The following ENAH variants were observed in gnomAD, a reference collection of about 807,000 sequenced individuals.
The protein encoded by ENAH is ENAH actin regulator.
In ENAH, 23 loss-of-function variants were observed where a neutral mutation model predicts 78.7. The observed-to-expected ratio is 0.29, with a 90% CI of 0.21 to 0.41. The LOEUF is 0.41. Among genes scored for constraint, ENAH ranks in the 10% least tolerant of loss-of-function variants. The probability of loss-of-function intolerance (pLI) is 1.00; values close to 1 mark genes in which losing one functional copy is unlikely to be tolerated. For missense variants in ENAH, 544 were observed against 691.0 expected (o/e 0.79, Z 2.39); for synonymous variants, 226 against 241.0 (o/e 0.94, Z 0.58).
At chr1:225,500,099 A>C (rs564097034) in intron 12 of ENAH, among the ~76,000 whole-genome samples, 1 of 152,306 alleles carries the variant, frequency 6.6e-6, no homozygotes, top group South Asian at 2.1e-4. Context: ...TTTTTCAAGA[A>C]AGCCATATTC....
intron 1 of ENAH, among the ~76,000 whole-genome samples, chr1:225,596,263 C>T (rs888777700): frequency 2.0e-5 from 3 of 152,168 alleles, no homozygotes; most frequent in African/African-American, 7.2e-5. Context: ...GATATTTTCC[C>T]CCCTTAGTGA....
intron 2 of ENAH, 35 bp downstream of exon 2, chr1:225,567,214 A>C (rs778211192): frequency 1.3e-6 from 2 of 1,598,862 alleles, no homozygotes; most frequent in South Asian, 1.2e-5. Flanking sequence ...TGTAATACTA[A>C]ATCATTTTTA....
intron 10 of ENAH, among the ~76,000 whole-genome samples, chr1:225,509,754 A>G (rs1032044242): frequency 8.6e-5 from 13 of 151,994 alleles, no homozygotes; most frequent in Non-Finnish European, 1.8e-4. Context: ...TCTAACTCAT[A>G]TTTTCAACCT....
At chr1:225,512,530 TA>T in intron 9 of ENAH, 126 bp downstream of exon 9, 2 of 951,940 alleles carry the variant, frequency 2.1e-6, no homozygotes, top group Non-Finnish European at 3.0e-6. Flanking sequence ...CATGCATAGT[TA>T]AAAATTAGCA....
intron 1 of ENAH, among the ~76,000 whole-genome samples, chr1:225,643,098 A>C (rs1661377849): frequency 6.6e-6 from 1 of 152,240 alleles, no homozygotes; most frequent in Middle Eastern, 3.2e-3. Flanking sequence ...GGGAACTTGG[A>C]ATGCAGAGCC....
chr1:225,593,818 A>C (rs1426934547), intron 1 of ENAH, among the ~76,000 whole-genome samples: 8 of 152,224 alleles, frequency 5.3e-5, no homozygotes, highest in Non-Finnish European at 1.2e-4. Context: ...AAAACAAGGT[A>C]GAATAGTAAT....
chr1:225,568,249 G>A (rs936295131), intron 1 of ENAH, among the ~76,000 whole-genome samples: 1 of 152,108 alleles, frequency 6.6e-6, no homozygotes, highest in African/African-American at 2.4e-5. Flanking sequence ...AAATAGAGAC[G>A]CCAGGCACGA....
chr1:225,524,597 A>G (rs1394380028), intron 4 of ENAH: 1 of 985,302 alleles, frequency 1.0e-6, no homozygotes, highest in Admixed American at 6.1e-5. Context: ...GTTGATACTC[A>G]CAAGAGAAGG....
rs150313735 is a variant in ENAH, at chr1:225,494,593, C to G, written c.*3182G>C. The G allele has an allele frequency of 2.6e-5, 4 of 152,296 alleles. No homozygotes were observed. The highest frequency in any genetic ancestry group is 9.6e-5 in the African/African-American group (4 of 41,568). 9.4% of individuals were successfully genotyped at this position (152,296 alleles called of 1,614,324 possible). A position where few individuals can be genotyped will look rare whatever the true frequency, so the allele number is the denominator to read the frequency against. On this transcript the variant is annotated 3_prime_UTR_variant, in exon 14 of 14. Coordinates refer to ENST00000366843, the MANE Select transcript of ENAH (RefSeq NM_018212.6). The stretch of plus-strand genomic sequence containing the variant: ...GAAAATAAGAAGAGGGAACACCCAA[C>G]AGTTATTTCAAACAAAAAGTAGACA...
At chr1:225,628,784 G>A (rs1392407824) in intron 1 of ENAH, among the ~76,000 whole-genome samples, 1 of 151,670 alleles carries the variant, frequency 6.6e-6, no homozygotes, top group East Asian at 1.9e-4. Flanking sequence ...GTGCATGCCT[G>A]TAATCCCAGC....
At chr1:225,597,741 A>G (rs2096909357) in intron 1 of ENAH, among the ~76,000 whole-genome samples, 1 of 152,050 alleles carries the variant, frequency 6.6e-6, no homozygotes, top group Non-Finnish European at 1.5e-5. Flanking sequence ...GGCCAGAAAA[A>G]CAAAAAAGAG....
At chr1:225,629,000 C>T (rs1310134343) in intron 1 of ENAH, among the ~76,000 whole-genome samples, 1 of 151,952 alleles carries the variant, frequency 6.6e-6, no homozygotes. Flanking sequence ...GAAATATGGG[C>T]CAAGCGCAGT....
chr1:225,524,230 A>G (rs530836386), intron 4 of ENAH, among the ~76,000 whole-genome samples: 5 of 152,176 alleles, frequency 3.3e-5, no homozygotes, highest in African/African-American at 1.2e-4. Context: ...TTAAATATAT[A>G]TTCATTATTT....
At chr1:225,603,224 C>A (rs1279513659) in intron 1 of ENAH, among the ~76,000 whole-genome samples, 1 of 151,912 alleles carries the variant, frequency 6.6e-6, no homozygotes, top group Non-Finnish European at 1.5e-5. Context: ...CAGTCATTCT[C>A]CCTAAGTAAA....
At position 225,591,850 on chromosome 1, in the gene ENAH, G is replaced by A. The variant is rs1382453882; in HGVS notation, c.6-24436C>T. On this transcript the variant is annotated intron_variant, in intron 1 of 13. Transcript: ENST00000366843. ...AGTACTAAATTATTCAGGGCAGAGT[G>A]TTGGTCTCTTTAGAAGCACCAGAGC... is the stretch of plus-strand genomic sequence containing the variant. Among the ~76,000 whole-genome samples, 3 of 151,270 alleles carry A rather than the reference G, an allele frequency of 2.0e-5. No individual in the cohort carries two copies. The South Asian group carries it at 6.3e-4, about 32-fold the overall frequency.
intron 5 of ENAH, chr1:225,518,082 C>T: frequency 9.0e-7 from 1 of 1,110,780 alleles, no homozygotes. Flanking sequence ...AGCATTCAGA[C>T]ACAATGTATA....
At chr1:225,625,617 G>T (rs953109363) in intron 1 of ENAH, among the ~76,000 whole-genome samples, 13 of 152,128 alleles carry the variant, frequency 8.5e-5, no homozygotes, top group African/African-American at 2.9e-4. Context: ...CCACCTCCTG[G>T]GTTCAAGCGA....
rs1169575918 is a variant in ENAH, at chr1:225,494,021, GACTT to G, written c.*3750_*3753del. On this transcript the variant is annotated 3_prime_UTR_variant, in exon 14 of 14. Transcript: ENST00000366843. ...CTTTTAATTTGTAGACAAAAATACT[GACTT>G]ACATATGAAGAGAAGCAAGAACATG... 1 of 102,930 alleles carries G rather than the reference GACTT, an allele frequency of 9.7e-6. No individual in the cohort carries two copies. The highest frequency in any genetic ancestry group is 1.8e-5 in the Non-Finnish European group (1 of 54,484). The allele number at this position is 102,930 out of a possible 1,614,324, so 6.4% of individuals were successfully genotyped here. A position where few individuals can be genotyped will look rare whatever the true frequency, so the allele number is the denominator to read the frequency against.
At position 225,554,800 on chromosome 1, in the gene ENAH, T is replaced by C. The variant is rs558823725; in HGVS notation, c.349+106A>G. 27 of 957,484 alleles carry C rather than the reference T, an allele frequency of 2.8e-5. No homozygotes were observed. In the African/African-American group the frequency reaches 4.2e-4, roughly 15 times the overall value. The allele number at this position is 957,484 out of a possible 1,614,324, so 59.3% of individuals were successfully genotyped here. A position where few individuals can be genotyped will look rare whatever the true frequency, so the allele number is the denominator to read the frequency against. On this transcript the variant is annotated intron_variant, in intron 3 of 13. Transcript: ENST00000366843. ...AGATCTAAAAGTTAACAAACATTTG[T>C]TTTAACATACACATGGCACTTCAGT... is the stretch of plus-strand genomic sequence containing the variant.
Sources: gnomAD v4.1 joint callset for allele counts (sites outside exome capture counted in the v4.1 genomes callset) on GRCh38, gnomAD v4.1.1 for gene constraint, MANE v1.5 for transcripts, NCBI Gene and HGNC (gene_info 2026-07-23, HGNC 2026-07-21) for gene names.